PPIP5K2: variants seen among roughly 807,000 people sequenced by gnomAD.
The protein encoded by PPIP5K2 is diphosphoinositol pentakisphosphate kinase 2, also known as inositol hexakisphosphate and diphosphoinositol-pentakisphosphate kinase 2.
PPIP5K2 carries 105 observed loss-of-function variants against 154.6 expected under a neutral mutation model. The ratio of observed to expected loss-of-function variants is 0.68; its 90% CI spans 0.58 to 0.80. The LOEUF (loss-of-function observed/expected upper bound fraction) is 0.80. PPIP5K2 is among the 30% of genes least tolerant of loss of function. PPIP5K2 has a pLI of 0.00. For synonymous variants in PPIP5K2, 480 were observed against 490.3 expected, an observed-to-expected ratio of 0.98 and a Z score of 0.28; for missense variants, 992 against 1,504.6, an observed-to-expected ratio of 0.66 and a Z score of 5.64.
At chr5:103,194,460 G>A (rs1801746988) in intron 29 of PPIP5K2, among the ~76,000 whole-genome samples, 1 of 152,148 alleles carries the variant, frequency 6.6e-6, no homozygotes, top group South Asian at 2.1e-4. Flanking sequence ...GTATTAGCCA[G>A]TTGAAATTTA....
At chr5:103,191,862 G>C (rs1489052204) in intron 29 of PPIP5K2, among the ~76,000 whole-genome samples, 1 of 151,962 alleles carries the variant, frequency 6.6e-6, no homozygotes, top group Admixed American at 6.6e-5. Context: ...TACTATTCTA[G>C]TCATATCTTA....
At chr5:103,147,026 A>G (rs1554209381) in intron 6 of PPIP5K2, among the ~76,000 whole-genome samples, 1 of 151,946 alleles carries the variant, frequency 6.6e-6, no homozygotes, top group Non-Finnish European at 1.5e-5. Flanking sequence ...AGTAACACTA[A>G]TAACTTTACG....
At position 103,151,357 on chromosome 5, in the gene PPIP5K2, CTG is replaced by C; in HGVS notation, c.1014_1015del (p.Ala339LysfsTer26). 1 of 1,605,296 alleles carries C rather than the reference CTG, an allele frequency of 6.2e-7. No individual in the cohort carries two copies. Among genetic ancestry groups the C allele is most frequent in the East Asian group, 2.2e-5 (1 of 44,636 alleles). Reference protein sequence around the residue: ...VKNSMKYYDDCAKILGNIVMR... With the variant: ...VKNSMKYYDDXAKILGNIVMR... ...AAAATTCCATGAAGTATTATGATGACTGTGCAAAAATACTTGGGTAAGAATTT... is the reference window on the plus strand; with the variant it reads ...AAAATTCCATGAAGTATTATGATGACTGCAAAAATACTTGGGTAAGAATTT... On this transcript the variant is annotated frameshift_variant, in exon 9 of 31. Transcript: ENST00000358359. LOFTEE classifies it high-confidence loss of function.
chr5:103,121,971 A>G (rs542995188), intron 1 of PPIP5K2, among the ~76,000 whole-genome samples: 51 of 152,326 alleles, frequency 3.3e-4, no homozygotes, highest in Non-Finnish European at 6.5e-4. Flanking sequence ...TCTCACGTGG[A>G]AAAGGAATTG....
rs1288060156 is a variant in PPIP5K2, at chr5:103,204,825, G to A, written c.*3191G>A. The A allele has an allele frequency of 7.1e-6, 1 of 140,436 alleles. No individual in the cohort carries two copies. Among genetic ancestry groups the A allele is most frequent in the Non-Finnish European group, 1.6e-5 (1 of 61,484 alleles). The allele number at this position is 140,436 out of a possible 1,614,324, so 8.7% of individuals were successfully genotyped here. A position where few individuals can be genotyped will look rare whatever the true frequency, so the allele number is the denominator to read the frequency against. ...TAGTATTGTGTACTATATAATCTAT[G>A]TGAATTATAGCTCCTTAACTAAATA... is the stretch of plus-strand genomic sequence containing the variant. On this transcript the variant is annotated 3_prime_UTR_variant, in exon 31 of 31. Transcript: ENST00000358359.
intron 10 of PPIP5K2, among the ~76,000 whole-genome samples, chr5:103,152,963 T>G (rs1306825920): frequency 6.6e-6 from 1 of 151,826 alleles, no homozygotes; most frequent in African/African-American, 2.4e-5. Flanking sequence ...AATTATAGAA[T>G]TGTTTAATCA....
At chr5:103,149,897 A>C (rs1192031012) in intron 8 of PPIP5K2, among the ~76,000 whole-genome samples, 1 of 151,984 alleles carries the variant, frequency 6.6e-6, no homozygotes, top group Non-Finnish European at 1.5e-5. Context: ...GGGTTTCTCC[A>C]CGTTGGCCAG....
At chr5:103,201,499 T>TTTTTTG (rs1554230269) in intron 30 of PPIP5K2, 23 bp from the exon 31 acceptor site, 3 of 1,382,946 alleles carry the variant, frequency 2.2e-6, no homozygotes, top group African/African-American at 3.0e-5. Flanking sequence ...ATAGTTTTTT[T>TTTTTTG]TTTTTGTTTT....
intron 5 of PPIP5K2, among the ~76,000 whole-genome samples, chr5:103,140,882 ATATACT>A (rs1450805417): frequency 6.6e-6 from 1 of 152,132 alleles, no homozygotes; most frequent in African/African-American, 2.4e-5. Context: ...TGAAGACATA[ATATACT>A]TTACTAAACA....
chr5:103,145,114 CAAAG>C (rs1793530276), intron 5 of PPIP5K2, among the ~76,000 whole-genome samples: 1 of 151,908 alleles, frequency 6.6e-6, no homozygotes, highest in South Asian at 2.1e-4. Flanking sequence ...AGATTTTTCT[CAAAG>C]GAAGACATAC....
rs559774408 is a variant in PPIP5K2, at chr5:103,175,334, G to T, written c.2529+1362G>T. 9.2e-5 allele frequency among the ~76,000 whole-genome samples: 14 copies of T among 151,838 alleles called. No homozygotes were observed. In the South Asian group the frequency reaches 2.9e-3, roughly 32 times the overall value. ...TCTTCTGGTTTTTTGTTTCTTCTTT[G>T]TCCCACTAAAGAATAGAAAAGTGAC... On this transcript the variant is annotated intron_variant, in intron 21 of 30. Transcript: ENST00000358359.
At chr5:103,187,270 T>C (rs1409679803) in intron 27 of PPIP5K2, 44 bp from the exon 28 acceptor site, 11 of 1,434,620 alleles carry the variant, frequency 7.7e-6, no homozygotes, top group Admixed American at 2.0e-5. Flanking sequence ...GTGTTCTTTT[T>C]GTAGCTGTTA....
At chr5:103,173,358 G>C in intron 20 of PPIP5K2, 76 bp downstream of exon 20, 1 of 1,476,000 alleles carries the variant, frequency 6.8e-7, no homozygotes, top group Non-Finnish European at 9.2e-7. Flanking sequence ...ATACTTTGAT[G>C]GTCCTATGAA....
At chr5:103,131,195 A>G (rs1228832013) in intron 2 of PPIP5K2, among the ~76,000 whole-genome samples, 5 of 152,098 alleles carry the variant, frequency 3.3e-5, no homozygotes, top group Admixed American at 6.5e-5. Flanking sequence ...TTGTCCTTCA[A>G]TATCCATGGG....
intron 17 of PPIP5K2, among the ~76,000 whole-genome samples, chr5:103,165,622 T>C (rs1259815933): frequency 6.6e-6 from 1 of 152,056 alleles, no homozygotes; most frequent in Admixed American, 6.6e-5. Flanking sequence ...ATGGTGAAGC[T>C]TAAGTGAAAA....
At chr5:103,147,439 G>A (rs963040225) in intron 6 of PPIP5K2, among the ~76,000 whole-genome samples, 3 of 151,960 alleles carry the variant, frequency 2.0e-5, no homozygotes, top group Admixed American at 2.0e-4. Flanking sequence ...TTCACAAGTT[G>A]CATATGAGCA....
Position 103,151,391 on chromosome 5 carries a change from T to C in PPIP5K2, c.1028+17T>C, listed in dbSNP as rs202063219. On this transcript the variant is annotated intron_variant, in intron 9 of 30. Transcript: ENST00000358359. ...AATACTTGGGTAAGAATTTTTAAAT[T>C]TTTCTTTTTACCTTCATATACTAGT... 2,003 of 1,576,654 alleles carry C rather than the reference T, an allele frequency of 1.3e-3. 3 individuals carry two copies. The highest frequency in any genetic ancestry group is 1.5e-3 in the Non-Finnish European group (1,759 of 1,156,406).
At chr5:103,125,702 C>T (rs1333817513) in intron 1 of PPIP5K2, among the ~76,000 whole-genome samples, 4 of 152,060 alleles carry the variant, frequency 2.6e-5, no homozygotes, top group South Asian at 4.1e-4. Context: ...GGTGCAATCC[C>T]GGCTTACTGC....
chr5:103,175,339 A>T (rs1554220679), intron 21 of PPIP5K2, among the ~76,000 whole-genome samples: 1 of 152,092 alleles, frequency 6.6e-6, no homozygotes, highest in African/African-American at 2.4e-5. Flanking sequence ...TCTTTGTCCC[A>T]CTAAAGAATA....
Sources: gnomAD v4.1 joint callset for allele counts (sites outside exome capture counted in the v4.1 genomes callset) on GRCh38, gnomAD v4.1.1 for gene constraint, MANE v1.5 for transcripts, NCBI Gene and HGNC (gene_info 2026-07-23, HGNC 2026-07-21) for gene names.